The following POLR1D variants were observed in gnomAD, a reference collection of about 807,000 sequenced individuals.
The protein encoded by POLR1D is DNA-directed RNA polymerases I and III subunit RPAC2.
Under a neutral mutation model 10.8 loss-of-function variants are expected in POLR1D, and 8 were observed. That is an observed-to-expected ratio of 0.74 (90% CI 0.43 to 1.33). The LOEUF is 1.33. Among genes scored for constraint, POLR1D ranks in the 40% most tolerant of loss-of-function variants. The probability of loss-of-function intolerance (pLI) is 0.01; values close to 1 mark genes in which losing one functional copy is unlikely to be tolerated. For synonymous variants in POLR1D, 54 were observed against 57.2 expected, an observed-to-expected ratio of 0.94 and a Z score of 0.25; for missense variants, 152 against 161.7, an observed-to-expected ratio of 0.94 and a Z score of 0.32.
rs975393883 is a variant in POLR1D at position 27,633,177 on chromosome 13, T to C, written c.26+11168T>C. ...GTAGGAACCAAGCAGATCTGATAGA[T>C]ATTGCCAGGTAGATGATTCCAGAGG... On this transcript the variant is annotated intron_variant, in intron 1 of 2. Transcript: ENST00000399697. 2.6e-5 allele frequency among the ~76,000 whole-genome samples: 4 copies of C among 152,072 alleles called. No individual in the cohort carries two copies. In the East Asian group the frequency reaches 7.7e-4, roughly 29 times the overall value.
At chr13:27,636,731 C>T (rs1006443439) in intron 1 of POLR1D, among the ~76,000 whole-genome samples, 7 of 152,134 alleles carry the variant, frequency 4.6e-5, no homozygotes, top group Admixed American at 4.6e-4. Flanking sequence ...GGATAATCAG[C>T]ATGATCTATC....
At chr13:27,632,641 A>ACCCCCCCCC (rs11378549) in intron 1 of POLR1D, among the ~76,000 whole-genome samples, 8 of 145,144 alleles carry the variant, frequency 5.5e-5, no homozygotes, top group Admixed American at 2.2e-4. Flanking sequence ...AAATTGCAGC[A>ACCCCCCCCC]CCCCCCGCCC....
At chr13:27,631,149 G>T (rs547813092) in intron 1 of POLR1D, among the ~76,000 whole-genome samples, 1 of 152,272 alleles carries the variant, frequency 6.6e-6, no homozygotes, top group African/African-American at 2.4e-5. Context: ...CAGTTTCTGT[G>T]GGTCAAGAAT....
downstream of POLR1D, among the ~76,000 whole-genome samples, chr13:27,625,993 G>A (rs1296031776): frequency 6.6e-6 from 1 of 152,218 alleles, no homozygotes; most frequent in East Asian, 1.9e-4. Context: ...ATTGGAAGAG[G>A]TGAGTTTAGG....
chr13:27,636,036 A>G (rs570937995), intron 1 of POLR1D, among the ~76,000 whole-genome samples: 2 of 152,192 alleles, frequency 1.3e-5, no homozygotes, highest in Non-Finnish European at 2.9e-5. Context: ...GAGTAAGTCT[A>G]TTCAGTCTGG....
chr13:27,626,023 G>A (rs191027980), downstream of POLR1D, among the ~76,000 whole-genome samples: 237 of 152,296 alleles, frequency 1.6e-3, 5 homozygotes, highest in Non-Finnish European at 1.1e-3. Flanking sequence ...GGATGTCATA[G>A]GGCAAGGATA....
At chr13:27,628,079 G>A (rs1045356498), downstream of POLR1D, among the ~76,000 whole-genome samples, 4 of 152,124 alleles carry the variant, frequency 2.6e-5, no homozygotes, top group African/African-American at 9.7e-5. Context: ...CTTACTAACG[G>A]GAGTTAGTGG....
Position 27,636,137 on chromosome 13 carries a change from T to C in POLR1D, c.27-12242T>C, listed in dbSNP as rs1412783143. On this transcript the variant is annotated intron_variant, in intron 1 of 2. Coordinates refer to the POLR1D transcript ENST00000399697. Reference sequence around the variant, plus strand: ...TCACATAGCATTGGGATAGTGTTAGTGTTGGTACTTAAAGTGTTGTCCTCT... The same window carrying C: ...TCACATAGCATTGGGATAGTGTTAGCGTTGGTACTTAAAGTGTTGTCCTCT... Among the ~76,000 whole-genome samples, 5 of 152,194 alleles carry C rather than the reference T, an allele frequency of 3.3e-5. 1 individual carries two copies. The highest frequency in any genetic ancestry group is 2.0e-4 in the Admixed American group (3 of 15,276).
chr13:27,642,369 T>G (rs1259297885), intron 1 of POLR1D, among the ~76,000 whole-genome samples: 1 of 152,190 alleles, frequency 6.6e-6, no homozygotes, highest in Non-Finnish European at 1.5e-5. Flanking sequence ...AGGATACGTG[T>G]TGCTGTTGTG....
chr13:27,641,884 TTGG>T (rs1181023547), intron 1 of POLR1D, among the ~76,000 whole-genome samples: 1 of 152,176 alleles, frequency 6.6e-6, no homozygotes, highest in Non-Finnish European at 1.5e-5. Flanking sequence ...GTGTTGGCAG[TTGG>T]TGGGAGTGTC....
At chr13:27,628,229 G>T (rs538325020), downstream of POLR1D, among the ~76,000 whole-genome samples, 1 of 152,142 alleles carries the variant, frequency 6.6e-6, no homozygotes, top group Non-Finnish European at 1.5e-5. Flanking sequence ...TGGCTCTTAC[G>T]GTCTGCACTC....
intron 1 of POLR1D, among the ~76,000 whole-genome samples, chr13:27,630,675 A>G (rs143002367): frequency 1.3e-5 from 2 of 152,342 alleles, no homozygotes; most frequent in Non-Finnish European, 2.9e-5. Flanking sequence ...TCATAGGGCT[A>G]TTGTGAGAAA....
chr13:27,625,560 A>G (rs1189888622), downstream of POLR1D, among the ~76,000 whole-genome samples: 1 of 152,092 alleles, frequency 6.6e-6, no homozygotes, highest in Non-Finnish European at 1.5e-5. Flanking sequence ...TCATTTGTGA[A>G]CATTGTAAGC....
At chr13:27,652,154 G>C (rs1956272206) in intron 2 of POLR1D, among the ~76,000 whole-genome samples, 2 of 152,214 alleles carry the variant, frequency 1.3e-5, no homozygotes, top group Admixed American at 6.5e-5. Flanking sequence ...CAATTTACAA[G>C]TGAGTAAGAA....
chr13:27,624,540 T>C (rs74814135), downstream of POLR1D, among the ~76,000 whole-genome samples: 6,589 of 152,100 alleles, frequency 0.043, 197 homozygotes, highest in Non-Finnish European at 0.066. Flanking sequence ...GGGATAGATA[T>C]ATAGCTATAG....
intron 1 of POLR1D, among the ~76,000 whole-genome samples, chr13:27,637,082 G>A (rs1192012239): frequency 6.6e-6 from 1 of 152,010 alleles, no homozygotes; most frequent in Admixed American, 6.5e-5. Context: ...GGTTTGCTGG[G>A]TTTTGGTTGT....
chr13:27,637,379 G>C (rs1206620599), intron 1 of POLR1D, among the ~76,000 whole-genome samples: 1 of 152,154 alleles, frequency 6.6e-6, no homozygotes, highest in African/African-American at 2.4e-5. Context: ...CATTGTACCA[G>C]AGCTCTACAA....
downstream of POLR1D, chr13:27,623,471 C>G (rs1156920423): frequency 1.0e-6 from 1 of 986,620 alleles, no homozygotes; most frequent in Admixed American, 3.3e-5. Flanking sequence ...GGTTTCTGTT[C>G]CATGCAACCA....
At chr13:27,665,575 A>G (rs891257537) in intron 2 of POLR1D, 2 of 991,186 alleles carry the variant, frequency 2.0e-6, no homozygotes. Context: ...CAAATTCAGA[A>G]ACTCGATTCT....
Sources: gnomAD v4.1 joint callset for allele counts (sites outside exome capture counted in the v4.1 genomes callset) on GRCh38, gnomAD v4.1.1 for gene constraint, MANE v1.5 for transcripts, NCBI Gene and HGNC (gene_info 2026-07-23, HGNC 2026-07-21) for gene names.